PYHIN1: variants seen among roughly 807,000 people sequenced by gnomAD.
PYHIN1 encodes the protein pyrin and HIN domain-containing protein 1.
Under a neutral mutation model 43.7 loss-of-function variants are expected in PYHIN1, and 32 were observed. The ratio of observed to expected loss-of-function variants is 0.73; its 90% CI spans 0.55 to 0.98. The LOEUF (loss-of-function observed/expected upper bound fraction) is 0.98, where lower values mean the gene tolerates loss of function less well. Among genes scored for constraint, PYHIN1 ranks in the 50% least tolerant of loss-of-function variants. The pLI is 0.00. For missense variants in PYHIN1, 588 were observed against 589.5 expected, an observed-to-expected ratio of 1.00 and a Z score of 0.03; for synonymous variants, 205 against 203.1, an observed-to-expected ratio of 1.01 and a Z score of -0.08.
At chr1:158,982,205 T>C in the PYHIN1 span, among the ~76,000 whole-genome samples, 1 of 152,226 alleles carries the variant, frequency 6.6e-6, no homozygotes. Flanking sequence ...TCATGAAGTC[T>C]TTGCCAAGGC....
At chr1:158,938,277 GAT>G (rs1231701886) in intron 2 of PYHIN1, 118 bp from the exon 3 acceptor site, 2 of 1,080,734 alleles carry the variant, frequency 1.9e-6, no homozygotes, top group African/African-American at 1.6e-5. Flanking sequence ...ATGCAATAGA[GAT>G]AGACTAAAAT....
chr1:158,980,530 A>G (rs962010655), downstream of PYHIN1, among the ~76,000 whole-genome samples: 1 of 152,050 alleles, frequency 6.6e-6, no homozygotes, highest in Non-Finnish European at 1.5e-5. Flanking sequence ...GTTCCTGGGG[A>G]GAGATCTATA....
At chr1:158,973,891 T>C in intron 8 of PYHIN1, 120 bp downstream of exon 8, 1 of 1,148,384 alleles carries the variant, frequency 8.7e-7, no homozygotes, top group Non-Finnish European at 1.2e-6. Context: ...TTTACTACAT[T>C]TCTCATTCAT....
chr1:158,935,728 C>T (rs1648493885), intron 1 of PYHIN1, among the ~76,000 whole-genome samples: 1 of 152,082 alleles, frequency 6.6e-6, no homozygotes, highest in South Asian at 2.1e-4. Context: ...GGCTGCAGCC[C>T]ATTTACACCT....
chr1:158,967,653 A>C (rs1259859218), intron 7 of PYHIN1, among the ~76,000 whole-genome samples: 1 of 152,312 alleles, frequency 6.6e-6, no homozygotes, highest in African/African-American at 2.4e-5. Context: ...CTAAGCAAAA[A>C]GAACAAAGCT....
chr1:158,965,916 GA>G (rs961750746), intron 7 of PYHIN1, among the ~76,000 whole-genome samples: 4 of 151,614 alleles, frequency 2.6e-5, no homozygotes, highest in Non-Finnish European at 5.9e-5. Flanking sequence ...ATTGAGATGT[GA>G]AAAAAACAGA....
chr1:158,964,063 A>G (rs1031877894), intron 7 of PYHIN1, among the ~76,000 whole-genome samples: 9 of 152,228 alleles, frequency 5.9e-5, no homozygotes, highest in African/African-American at 2.2e-4. Flanking sequence ...ATAAAGCTGA[A>G]AAATACATTA....
chr1:158,986,249 T>C, the PYHIN1 span, among the ~76,000 whole-genome samples: 1 of 152,220 alleles, frequency 6.6e-6, no homozygotes, highest in Non-Finnish European at 1.5e-5. Flanking sequence ...TGCTAGTCTT[T>C]GCAGTTGCTG....
rs1001044561 is a variant in PYHIN1, at chr1:158,953,410, G to A, written c.1359+8368G>A. On this transcript the variant is annotated intron_variant, in intron 7 of 8. Transcript: ENST00000368140. ...AGCACGCAGCTGGAGATCTGAGAACGGGCAGACTGCCTCCTCAAGGGGGTC... is the reference window on the plus strand; with the variant it reads ...AGCACGCAGCTGGAGATCTGAGAACAGGCAGACTGCCTCCTCAAGGGGGTC... Among the ~76,000 whole-genome samples, 77 of 150,702 alleles carry A rather than the reference G, an allele frequency of 5.1e-4. 1 individual carries two copies. Among genetic ancestry groups the A allele is most frequent in the African/African-American group, 1.7e-3 (68 of 40,950 alleles).
chr1:158,976,519 G>C (rs1651267257), intron 8 of PYHIN1, among the ~76,000 whole-genome samples, 182 bp from the exon 9 acceptor site: 1 of 152,048 alleles, frequency 6.6e-6, no homozygotes. Context: ...AACAGAGGGG[G>C]AAGATGTGAC....
At chr1:158,983,544 AT>A in the PYHIN1 span, among the ~76,000 whole-genome samples, 22 of 151,102 alleles carry the variant, frequency 1.5e-4, no homozygotes, top group East Asian at 2.5e-3. Flanking sequence ...GTTTGCTAGT[AT>A]TTTTTTTTGA....
downstream of PYHIN1, among the ~76,000 whole-genome samples, chr1:158,979,706 G>A (rs778451884): frequency 2.6e-5 from 4 of 151,898 alleles, no homozygotes; most frequent in Non-Finnish European, 4.4e-5. Flanking sequence ...ATAAATCTTG[G>A]GTCATATGGT....
chr1:158,983,945 C>G, the PYHIN1 span, among the ~76,000 whole-genome samples: 11 of 19,630 alleles, frequency 5.6e-4, no homozygotes, highest in Non-Finnish European at 6.0e-3. Flanking sequence ...TCATAATGGT[C>G]TTTGAGAGTT....
In PYHIN1 at chr1:158,942,257, C is replaced by T. The variant is rs564302701; in HGVS notation, c.860C>T (p.Ser287Phe). Residue 287 changes from serine (S) to phenylalanine (F), a missense_variant, in exon 5 of 9, where the codon TCT becomes TTT. By Grantham distance (155) the Ser-to-Phe change is radical. Coordinates refer to ENST00000368140, the MANE Select transcript of PYHIN1 (RefSeq NM_152501.5). Reference sequence around the variant, plus strand: ...AGTCTCCTAGAGGTGAATGAAGCCTCTTCTGTATCTGAAGCTGGTCCTGAC... The same window carrying T: ...AGTCTCCTAGAGGTGAATGAAGCCTTTTCTGTATCTGAAGCTGGTCCTGAC... ...RNSLLEVNEASSVSEAGPDQT... is the reference protein window; with the variant it reads ...RNSLLEVNEAFSVSEAGPDQT... 1 of 1,614,130 alleles carries T rather than the reference C, an allele frequency of 6.2e-7. No homozygotes were observed. The highest frequency in any genetic ancestry group is 2.2e-5 in the East Asian group (1 of 44,870).
intron 7 of PYHIN1, among the ~76,000 whole-genome samples, chr1:158,969,068 T>G (rs1158088820): frequency 1.3e-5 from 2 of 151,938 alleles, no homozygotes; most frequent in Non-Finnish European, 2.9e-5. Context: ...AAAAAATAAT[T>G]TTTGGTCTTA....
At chr1:158,989,903 A>G in the PYHIN1 span, among the ~76,000 whole-genome samples, 1 of 152,202 alleles carries the variant, frequency 6.6e-6, no homozygotes, top group Non-Finnish European at 1.5e-5. Flanking sequence ...CTACCTTCCA[A>G]GTTCAAGTAT....
intron 5 of PYHIN1, among the ~76,000 whole-genome samples, chr1:158,943,109 G>A (rs1224038301): frequency 6.6e-6 from 1 of 152,146 alleles, no homozygotes; most frequent in Non-Finnish European, 1.5e-5. Context: ...CCTGGCTATT[G>A]AGTCCAGTAA....
chr1:158,941,016 C>T lies in PYHIN1; in HGVS notation c.580-961C>T, dbSNP rs534069382. Among the ~76,000 whole-genome samples, 138 of 152,224 alleles carry T rather than the reference C, an allele frequency of 9.1e-4. 1 individual carries two copies. The highest frequency in any genetic ancestry group is 3.0e-3 in the African/African-American group (125 of 41,532). Reference sequence around the variant, plus strand: ...ATTAATATTCTCATGGATGGATCTACGGTTACTGATTAACTTGTGTTGGGA... The same window carrying T: ...ATTAATATTCTCATGGATGGATCTATGGTTACTGATTAACTTGTGTTGGGA... On this transcript the variant is annotated intron_variant, in intron 4 of 8. Transcript: ENST00000368140.
chr1:158,988,201 A>G, the PYHIN1 span, among the ~76,000 whole-genome samples: 1 of 152,202 alleles, frequency 6.6e-6, no homozygotes, highest in Admixed American at 6.5e-5. Context: ...GGCCCTAGAA[A>G]AGTAATAGTT....
Sources: gnomAD v4.1 joint callset for allele counts (sites outside exome capture counted in the v4.1 genomes callset) on GRCh38, gnomAD v4.1.1 for gene constraint, MANE v1.5 for transcripts, NCBI Gene and HGNC (gene_info 2026-07-23, HGNC 2026-07-21) for gene names.